Variants in AHCYL2 observed in about 807,000 individuals in gnomAD.
The protein encoded by AHCYL2 is S-adenosylhomocysteine hydrolase-like protein 2.
In AHCYL2, 28 loss-of-function variants were observed where a neutral mutation model predicts 81.4. The ratio of observed to expected loss-of-function variants is 0.34; its 90% CI spans 0.25 to 0.47. The LOEUF (loss-of-function observed/expected upper bound fraction) is 0.47. AHCYL2 is among the 20% of genes least tolerant of loss of function. AHCYL2 has a pLI of 1.00. For missense variants in AHCYL2, 551 were observed against 785.1 expected (o/e 0.70, Z 3.56); for synonymous variants, 272 against 290.2 (o/e 0.94, Z 0.64).
At chr7:129,298,374 GAT>G (rs1412678641) in intron 1 of AHCYL2, among the ~76,000 whole-genome samples, 10 of 152,152 alleles carry the variant, frequency 6.6e-5, no homozygotes, top group Non-Finnish European at 1.3e-4. Context: ...TCAAGGTAAG[GAT>G]ATGAAGATAG....
intron 6 of AHCYL2, 71 bp downstream of exon 6, chr7:129,400,455 G>A: frequency 7.1e-7 from 1 of 1,417,504 alleles, no homozygotes; most frequent in Non-Finnish European, 9.8e-7. Context: ...TATGGCCTAG[G>A]AGAGGGTTTC....
intron 12 of AHCYL2, among the ~76,000 whole-genome samples, chr7:129,415,353 C>T (rs1370847331): frequency 1.3e-5 from 2 of 152,174 alleles, no homozygotes; most frequent in African/African-American, 4.8e-5. Context: ...TTCCTAAACC[C>T]TCAAGAAGCT....
At chr7:129,254,034 C>T (rs1425253328) in intron 1 of AHCYL2, among the ~76,000 whole-genome samples, 1 of 152,112 alleles carries the variant, frequency 6.6e-6, no homozygotes, top group Non-Finnish European at 1.5e-5. Flanking sequence ...AAAATATGAG[C>T]ACTTGGTTTA....
intron 1 of AHCYL2, among the ~76,000 whole-genome samples, chr7:129,227,291 G>A (rs1794258830): frequency 6.6e-6 from 1 of 151,734 alleles, no homozygotes; most frequent in Non-Finnish European, 1.5e-5. Flanking sequence ...AAGCCCCCAT[G>A]ACCACCTCTG....
At chr7:129,259,916 A>C (rs967886564) in intron 1 of AHCYL2, among the ~76,000 whole-genome samples, 11 of 152,092 alleles carry the variant, frequency 7.2e-5, no homozygotes, top group Non-Finnish European at 1.5e-4. Flanking sequence ...GTCTTTGCTA[A>C]AAATACAAAA....
chr7:129,425,695 GATAC>G (rs1797332933), intron 15 of AHCYL2, among the ~76,000 whole-genome samples: 1 of 152,198 alleles, frequency 6.6e-6, no homozygotes, highest in Non-Finnish European at 1.5e-5. Flanking sequence ...CACCTGAACT[GATAC>G]AGTGTGTTTA....
intron 12 of AHCYL2, among the ~76,000 whole-genome samples, chr7:129,416,088 TC>T (rs1466631383): frequency 2.0e-5 from 3 of 152,088 alleles, no homozygotes; most frequent in Non-Finnish European, 4.4e-5. Flanking sequence ...TTTTTTTTAC[TC>T]CTAGTCTAGT....
intron 1 of AHCYL2, among the ~76,000 whole-genome samples, chr7:129,231,373 C>T (rs77039829): frequency 2.4e-4 from 36 of 152,136 alleles, no homozygotes; most frequent in Non-Finnish European, 4.7e-4. Flanking sequence ...TTGAAGAAAT[C>T]GATAGTTCAT....
At chr7:129,361,782 T>A (rs1793939030) in intron 1 of AHCYL2, among the ~76,000 whole-genome samples, 1 of 148,154 alleles carries the variant, frequency 6.7e-6, no homozygotes, top group Admixed American at 6.7e-5. Context: ...CACACCACTA[T>A]GTCTGGCTAA....
chr7:129,232,990 C>T lies in AHCYL2; in HGVS notation c.363+7551C>T, dbSNP rs1794501480. Among the ~76,000 whole-genome samples, 4 of 152,166 alleles carry T rather than the reference C, an allele frequency of 2.6e-5. No homozygotes were observed. In the South Asian group the frequency reaches 8.3e-4, roughly 32 times the overall value. On this transcript the variant is annotated intron_variant, in intron 1 of 16. Transcript: ENST00000325006. Reference sequence around the variant, plus strand: ...GGAGTGATGTACGGGTTGAACCTAACCATCTACCTTCTTAGTTGCTGGCAC... The same window carrying T: ...GGAGTGATGTACGGGTTGAACCTAATCATCTACCTTCTTAGTTGCTGGCAC...
At chr7:129,292,807 T>C (rs1052047331) in intron 1 of AHCYL2, among the ~76,000 whole-genome samples, 3 of 151,982 alleles carry the variant, frequency 2.0e-5, no homozygotes, top group African/African-American at 7.2e-5. Flanking sequence ...TAATAGGGAT[T>C]GAATTTACTT....
chr7:129,360,692 A>C (rs878909389), intron 1 of AHCYL2, among the ~76,000 whole-genome samples: 5 of 152,106 alleles, frequency 3.3e-5, no homozygotes, highest in African/African-American at 9.7e-5. Context: ...CTAATCTATA[A>C]ATTTTGAAAG....
chr7:129,386,992 C>A (rs1020823871), intron 2 of AHCYL2, among the ~76,000 whole-genome samples: 4 of 152,166 alleles, frequency 2.6e-5, no homozygotes, highest in African/African-American at 9.7e-5. Flanking sequence ...TATCAGGTAT[C>A]ATTTATTGAG....
intron 1 of AHCYL2, among the ~76,000 whole-genome samples, chr7:129,337,410 A>T (rs1000114947): frequency 6.6e-6 from 1 of 151,432 alleles, no homozygotes; most frequent in Non-Finnish European, 1.5e-5. Context: ...TTTATTTTTT[A>T]TTTTTTTGGA....
Position 129,337,972 on chromosome 7 carries a change from G to A in AHCYL2, c.364-41666G>A, listed in dbSNP as rs185725554. Among the ~76,000 whole-genome samples the A allele has an allele frequency of 1.1e-4, 16 of 152,216 alleles. No individual in the cohort carries two copies. The East Asian group carries it at 2.7e-3, about 26-fold the overall frequency. ...TTGGTCAGGCTGGCCTCAAACTCCC[G>A]ACCTCAGGTGATCCACCTGCCTTGG... On this transcript the variant is annotated intron_variant, in intron 1 of 16. Coordinates refer to ENST00000325006, the MANE Select transcript of AHCYL2 (RefSeq NM_015328.4).
At chr7:129,282,847 CAT>C (rs1209469030) in intron 1 of AHCYL2, among the ~76,000 whole-genome samples, 1 of 151,496 alleles carries the variant, frequency 6.6e-6, no homozygotes, top group Non-Finnish European at 1.5e-5. Flanking sequence ...GTTTCAAAAA[CAT>C]AGAGAGAAGA....
intron 1 of AHCYL2, among the ~76,000 whole-genome samples, chr7:129,233,485 CTA>C (rs989765572): frequency 6.6e-6 from 1 of 151,850 alleles, no homozygotes; most frequent in African/African-American, 2.4e-5. Context: ...CCTACTGTCT[CTA>C]TTTCTTTTTC....
intron 1 of AHCYL2, among the ~76,000 whole-genome samples, chr7:129,236,665 T>A (rs1192883209): frequency 6.6e-6 from 1 of 152,214 alleles, no homozygotes; most frequent in Non-Finnish European, 1.5e-5. Context: ...ATGTTGTCTT[T>A]AAAAATGTAG....
chr7:129,241,731 T>C (rs1477323612), intron 1 of AHCYL2, among the ~76,000 whole-genome samples: 1 of 152,200 alleles, frequency 6.6e-6, no homozygotes, highest in Non-Finnish European at 1.5e-5. Context: ...TTGGATAAAA[T>C]TGAAGACGCA....
Sources: allele counts gnomAD v4.1 joint callset (sites outside exome capture counted in the v4.1 genomes callset), GRCh38; gene constraint gnomAD v4.1.1; transcripts MANE v1.5; gene names NCBI Gene and HGNC (gene_info 2026-07-23, HGNC 2026-07-21).